Variants in SIM1 observed in about 807,000 individuals in gnomAD.
The protein encoded by SIM1 is SIM bHLH transcription factor 1, also known as single-minded homolog 1.
In SIM1, 18 loss-of-function variants were observed where a neutral mutation model predicts 78.2. The observed-to-expected ratio is 0.23, with a 90% CI of 0.16 to 0.34. The LOEUF (loss-of-function observed/expected upper bound fraction) is 0.34, where lower values mean the gene tolerates loss of function less well. Among genes scored for constraint, SIM1 ranks in the 10% least tolerant of loss-of-function variants. SIM1 has a pLI of 1.00. For synonymous variants in SIM1, 417 were observed against 385.2 expected (o/e 1.08, Z -0.97); for missense variants, 939 against 975.1 (o/e 0.96, Z 0.49).
rs1021181256 is a variant in SIM1 at position 100,453,768 on chromosome 6, C to T, written c.252G>A (p.Leu84=). 5 of 1,610,714 alleles carry T rather than the reference C, an allele frequency of 3.1e-6. No individual in the cohort carries two copies. The highest frequency in any genetic ancestry group is 4.2e-6 in the Non-Finnish European group (5 of 1,178,336). Residue 84 remains leucine (L), a synonymous_variant, in exon 3 of 12, where the codon CTG becomes CTA. Transcript: ENST00000369208. The part of the protein sequence containing the change: ...DNVGRELGSH[L]LQTLDGFIFV... ...GGAAGACCTGCACCTGTACCTGGAG[C>T]AGATGGGAGCCCAGTTCTCGGCCAA... is the stretch of plus-strand genomic sequence containing the variant.
chr6:100,440,311 C>G (rs548996101), intron 9 of SIM1, among the ~76,000 whole-genome samples: 3 of 152,166 alleles, frequency 2.0e-5, no homozygotes, highest in Non-Finnish European at 4.4e-5. Flanking sequence ...GCATAGTCTT[C>G]ATTCTAACCC....
chr6:100,390,346 T>C lies in SIM1; in HGVS notation c.*15A>G, dbSNP rs143801416. On this transcript the variant is annotated 3_prime_UTR_variant, in exon 12 of 12. Transcript: ENST00000369208. Reference sequence around the variant, plus strand: ...TTTCAGAGATCCTTAAAGAACAAAATATTTCAGCAAAACATCAGCTTCCGT... The same window carrying C: ...TTTCAGAGATCCTTAAAGAACAAAACATTTCAGCAAAACATCAGCTTCCGT... 370 of 1,603,806 alleles carry C rather than the reference T, an allele frequency of 2.3e-4. 1 individual carries two copies. The African/African-American group carries it at 3.2e-3, about 14-fold the overall frequency.
At chr6:100,391,163 T>C in intron 11 of SIM1, 72 bp from the exon 12 acceptor site, 5 of 1,447,002 alleles carry the variant, frequency 3.5e-6, no homozygotes, top group Non-Finnish European at 4.6e-6. Context: ...TTCCTTTACC[T>C]ATTAAAATAA....
Position 100,390,225 on chromosome 6 carries a change from A to G in SIM1, c.*136T>C. 1 of 938,948 alleles carries G rather than the reference A, an allele frequency of 1.1e-6. No homozygotes were observed. Among genetic ancestry groups the G allele is most frequent in the Non-Finnish European group, 1.6e-6 (1 of 633,378 alleles). 58.2% of individuals were successfully genotyped at this position (938,948 alleles called of 1,614,324 possible). A position where few individuals can be genotyped will look rare whatever the true frequency, so the allele number is the denominator to read the frequency against. Reference sequence around the variant, plus strand: ...AGTGCTATGTTTTCTTTGATTTTATAGGAACACGTATCAAATACCCAGTAA... The same window carrying G: ...AGTGCTATGTTTTCTTTGATTTTATGGGAACACGTATCAAATACCCAGTAA... On this transcript the variant is annotated 3_prime_UTR_variant, in exon 12 of 12. Transcript: ENST00000369208.
chr6:100,390,129 T>C lies in SIM1; in HGVS notation c.*232A>G, dbSNP rs765904589. The C allele has an allele frequency of 2.6e-5, 14 of 544,592 alleles. No individual in the cohort carries two copies. Among genetic ancestry groups the C allele is most frequent in the Non-Finnish European group, 3.9e-5 (12 of 310,772 alleles). The allele number at this position is 544,592 out of a possible 1,614,324, so 33.7% of individuals were successfully genotyped here. A position where few individuals can be genotyped will look rare whatever the true frequency, so the allele number is the denominator to read the frequency against. On this transcript the variant is annotated 3_prime_UTR_variant, in exon 12 of 12. Coordinates refer to ENST00000369208, the MANE Select transcript of SIM1 (RefSeq NM_005068.3). ...TCAAGTCAAAATTTATCTATTCTGG[T>C]TCCCATATAATTAGAGGGGAAATTT...
chr6:100,430,185 C>G (rs1334684574), intron 9 of SIM1, among the ~76,000 whole-genome samples: 3 of 152,150 alleles, frequency 2.0e-5, no homozygotes, highest in Non-Finnish European at 4.4e-5. Flanking sequence ...AATGTGGGGG[C>G]CACATTTCTT....
Position 100,447,387 on chromosome 6 carries a change from C to A in SIM1, c.879G>T (p.Lys293Asn), listed in dbSNP as rs773403916. 2 of 1,614,258 alleles carry A rather than the reference C, an allele frequency of 1.2e-6. No homozygotes were observed. Among genetic ancestry groups the A allele is most frequent in the Non-Finnish European group, 1.7e-6 (2 of 1,180,054 alleles). Residue 293 changes from lysine (K) to asparagine (N), a missense_variant, in exon 9 of 12, where the codon AAG becomes AAT. Physicochemically the swap from Lys to Asn is moderately conservative, Grantham distance 94. This residue lies in a region of SIM1 where 66 missense variants were observed against 108.4 expected (regional missense o/e 0.61). Coordinates refer to ENST00000369208, the MANE Select transcript of SIM1 (RefSeq NM_005068.3). ...CGTGTTTCGCCAGGAACCTGTAGTA[C>A]TTGGTGGTCACCTGTCCCTTCACCA... ...LLLVKGQVTT[K>N]YYRFLAKHGG...
At chr6:100,441,123 A>C (rs183145055) in intron 9 of SIM1, among the ~76,000 whole-genome samples, 1 of 152,024 alleles carries the variant, frequency 6.6e-6, no homozygotes, top group Admixed American at 6.5e-5. Flanking sequence ...CTGGTCATTC[A>C]ATACACACCA....
At chr6:100,420,676 G>T in intron 10 of SIM1, 114 bp downstream of exon 10, 1 of 989,280 alleles carries the variant, frequency 1.0e-6, no homozygotes, top group Non-Finnish European at 1.5e-6. Context: ...ATTTATAGAA[G>T]TTTTAGTTAT....
At chr6:100,403,913 T>C (rs1770990418) in intron 10 of SIM1, among the ~76,000 whole-genome samples, 2 of 152,200 alleles carry the variant, frequency 1.3e-5, no homozygotes, top group Admixed American at 6.5e-5. Context: ...TTGCCCAAAG[T>C]TGCATGATTA....
At chr6:100,443,144 G>C (rs1772258971) in intron 9 of SIM1, among the ~76,000 whole-genome samples, 1 of 151,888 alleles carries the variant, frequency 6.6e-6, no homozygotes, top group East Asian at 1.9e-4. Flanking sequence ...TTCAAAAGGG[G>C]TATTTAGTAG....
chr6:100,442,946 C>T (rs1772253139), intron 9 of SIM1, among the ~76,000 whole-genome samples: 1 of 151,952 alleles, frequency 6.6e-6, no homozygotes, highest in Non-Finnish European at 1.5e-5. Context: ...CATTTAAAAT[C>T]CTTTTTAATT....
intron 9 of SIM1, among the ~76,000 whole-genome samples, chr6:100,446,138 AT>A (rs1189064220): frequency 1.3e-5 from 2 of 152,202 alleles, no homozygotes; most frequent in Non-Finnish European, 2.9e-5. Flanking sequence ...ATTGAATTAA[AT>A]TTTTTTATTA....
At position 100,391,052 on chromosome 6, in the gene SIM1, G is replaced by A; in HGVS notation, c.1610C>T (p.Pro537Leu). 1 of 1,613,618 alleles carries A rather than the reference G, an allele frequency of 6.2e-7. No homozygotes were observed. The highest frequency in any genetic ancestry group is 1.3e-5 in the African/African-American group (1 of 74,986). ...TGATTCACTGGCCGACCCAGGGTCT[G>A]GAGAACTGACCACACTATCTTCATC... ...HWDEDSVVSS[P>L]DPGSASESGD... Residue 537 changes from proline (P) to leucine (L), a missense_variant, in exon 12 of 12, where the codon CCA (proline) becomes CTA (leucine). Transcript: ENST00000369208.
intron 10 of SIM1, among the ~76,000 whole-genome samples, chr6:100,402,394 C>T (rs1770936511): frequency 6.6e-6 from 1 of 151,928 alleles, no homozygotes; most frequent in African/African-American, 2.4e-5. Flanking sequence ...GTTTTCAAAG[C>T]TGGAAGGTAG....
intron 10 of SIM1, among the ~76,000 whole-genome samples, chr6:100,412,737 AAGAAAGAAAG>A (rs1771280678): frequency 1.4e-5 from 2 of 145,106 alleles, no homozygotes; most frequent in Non-Finnish European, 3.0e-5. Context: ...GAAAGAAAGA[AAGAAAGAAAG>A]AAAGAAAAAA....
rs74425148 is a variant in SIM1, at chr6:100,387,359, T to C, written c.*3002A>G. ...GAACGTAGTTATTTTATATACTATT[T>C]TTAAAAGACACAGATGACATCTTCA... On this transcript the variant is annotated 3_prime_UTR_variant, in exon 12 of 12. Coordinates refer to ENST00000369208, the MANE Select transcript of SIM1 (RefSeq NM_005068.3). 3.3e-3 allele frequency: 506 copies of C among 152,216 alleles called. 1 individual carries two copies. The highest frequency in any genetic ancestry group is 0.012 in the African/African-American group (495 of 41,564). 9.4% of individuals were successfully genotyped at this position (152,216 alleles called of 1,614,324 possible). A position where few individuals can be genotyped will look rare whatever the true frequency, so the allele number is the denominator to read the frequency against.
At chr6:100,414,039 A>T (rs1225401911) in intron 10 of SIM1, among the ~76,000 whole-genome samples, 1 of 152,248 alleles carries the variant, frequency 6.6e-6, no homozygotes, top group South Asian at 2.1e-4. Flanking sequence ...GAGACCCAGG[A>T]TAGAAAAACA....
At chr6:100,452,398 G>A (rs1772535235) in intron 3 of SIM1, among the ~76,000 whole-genome samples, 1 of 152,186 alleles carries the variant, frequency 6.6e-6, no homozygotes, top group Admixed American at 6.5e-5. Flanking sequence ...TCTGGCATGC[G>A]ATTGCCCCTC....
Sources: gnomAD v4.1 joint callset for allele counts (sites outside exome capture counted in the v4.1 genomes callset) on GRCh38, gnomAD v4.1.1 for gene constraint, gnomAD v4.1.1 regional missense constraint, MANE v1.5 for transcripts, NCBI Gene and HGNC (gene_info 2026-07-23, HGNC 2026-07-21) for gene names.